ENPP3: variants seen among roughly 807,000 people sequenced by gnomAD.
ENPP3 encodes the protein ectonucleotide pyrophosphatase/phosphodiesterase family member 3.
Under a neutral mutation model 117.8 loss-of-function variants are expected in ENPP3, and 104 were observed. The ratio of observed to expected loss-of-function variants is 0.88; its 90% confidence interval spans 0.75 to 1.04. The LOEUF is 1.04. ENPP3 is among the 50% of genes least tolerant of loss of function. The pLI is 0.00. For missense variants in ENPP3, 1,026 were observed against 1,051.9 expected (o/e 0.98, Z 0.34); for synonymous variants, 380 against 349.9 (o/e 1.09, Z -0.96).
chr6:131,732,750 ATTT>A (rs869084292), intron 20 of ENPP3, among the ~76,000 whole-genome samples: 2 of 140,046 alleles, frequency 1.4e-5, no homozygotes, highest in Non-Finnish European at 3.1e-5. Context: ...TATTATTATT[ATTT>A]TCAGATGGAG....
At position 131,722,421 on chromosome 6, in the gene ENPP3, A is replaced by T. The variant is rs1173940965; in HGVS notation, c.1746+16A>T. 1 of 1,609,040 alleles carries T rather than the reference A, an allele frequency of 6.2e-7. No individual in the cohort carries two copies. Among genetic ancestry groups the T allele is most frequent in the African/African-American group, 1.3e-5 (1 of 74,680 alleles). On this transcript the variant is annotated intron_variant, in intron 18 of 24. Transcript: ENST00000357639. ...CCTACAAAATGTAAGTAACAACTTC[A>T]TGCATCCATAAGAACGTAAAGGGGC...
intron 6 of ENPP3, among the ~76,000 whole-genome samples, chr6:131,659,210 G>A (rs909930107): frequency 6.6e-6 from 1 of 152,158 alleles, no homozygotes; most frequent in Non-Finnish European, 1.5e-5. Flanking sequence ...CACTTTGGGA[G>A]GTGGAGGCTA....
chr6:131,659,355 T>C (rs1778450970), intron 6 of ENPP3, among the ~76,000 whole-genome samples: 1 of 152,116 alleles, frequency 6.6e-6, no homozygotes, highest in Non-Finnish European at 1.5e-5. Flanking sequence ...CATAGTTAGT[T>C]AGAATCAGAG....
In ENPP3 at chr6:131,637,326, G is replaced by C; in HGVS notation, c.-59G>C. The C allele has an allele frequency of 9.2e-7, 1 of 1,086,460 alleles. No individual in the cohort carries two copies. Among genetic ancestry groups the C allele is most frequent in the Non-Finnish European group, 1.3e-6 (1 of 757,744 alleles). 67.3% of individuals were successfully genotyped at this position (1,086,460 alleles called of 1,614,324 possible). Reference sequence around the variant, plus strand: ...CATACAGTTTCTCTTTGCCAGACTAGACTAAAGAAGGAGCACTAATTTATT... The same window carrying C: ...CATACAGTTTCTCTTTGCCAGACTACACTAAAGAAGGAGCACTAATTTATT... On this transcript the variant is annotated 5_prime_UTR_variant, in exon 1 of 25. Coordinates refer to ENST00000357639, the MANE Select transcript of ENPP3 (RefSeq NM_005021.5).
intron 19 of ENPP3, 28 bp from the exon 20 acceptor site, chr6:131,726,018 T>C: frequency 1.3e-6 from 2 of 1,564,466 alleles, no homozygotes; most frequent in Non-Finnish European, 1.8e-6. Flanking sequence ...TTCATGAACC[T>C]TTTTATTTTA....
intron 24 of ENPP3, among the ~76,000 whole-genome samples, chr6:131,744,740 C>T (rs771271675): frequency 6.6e-6 from 1 of 151,662 alleles, no homozygotes; most frequent in Admixed American, 6.6e-5. Context: ...TCAATATTGC[C>T]TCAAAAAATG....
At chr6:131,655,385 G>A (rs1778364243) in intron 5 of ENPP3, among the ~76,000 whole-genome samples, 1 of 152,150 alleles carries the variant, frequency 6.6e-6, no homozygotes, top group African/African-American at 2.4e-5. Flanking sequence ...ATGAAATGGA[G>A]GCAAAAGCTG....
intron 20 of ENPP3, among the ~76,000 whole-genome samples, chr6:131,729,462 A>G (rs879639262): frequency 6.6e-6 from 1 of 152,218 alleles, no homozygotes; most frequent in Non-Finnish European, 1.5e-5. Context: ...AAGTACAAGC[A>G]GCTCACGTTC....
intron 12 of ENPP3, among the ~76,000 whole-genome samples, chr6:131,684,803 G>C (rs1023047380): frequency 4.0e-5 from 6 of 148,710 alleles, no homozygotes; most frequent in African/African-American, 1.5e-4. Flanking sequence ...CTTTTTTTTT[G>C]AGACAGAATT....
intron 6 of ENPP3, among the ~76,000 whole-genome samples, chr6:131,660,008 T>C (rs923802823): frequency 6.6e-6 from 1 of 152,202 alleles, no homozygotes; most frequent in African/African-American, 2.4e-5. Flanking sequence ...TTTTAAAACA[T>C]TTAAAATATT....
At chr6:131,678,945 CTTTCTTTCTTTCTTT>C (rs1778940675) in intron 11 of ENPP3, among the ~76,000 whole-genome samples, 1 of 98,584 alleles carries the variant, frequency 1.0e-5, no homozygotes, top group African/African-American at 6.9e-5. Context: ...TTCTTTCTTT[CTTTCTTTCTTTCTTT>C]CCTTCCTTCC....
intron 6 of ENPP3, among the ~76,000 whole-genome samples, chr6:131,665,053 T>C (rs557462736): frequency 1.3e-5 from 2 of 152,332 alleles, no homozygotes; most frequent in East Asian, 3.9e-4. Flanking sequence ...TATATCACAT[T>C]AATTGATTTT....
chr6:131,675,801 C>T (rs73552650), intron 9 of ENPP3, among the ~76,000 whole-genome samples: 281 of 152,252 alleles, frequency 1.8e-3, no homozygotes, highest in African/African-American at 6.2e-3. Flanking sequence ...GGGGCTCCTG[C>T]AGTGTAGTCC....
At chr6:131,679,250 A>G (rs1778969912) in intron 11 of ENPP3, among the ~76,000 whole-genome samples, 1 of 151,542 alleles carries the variant, frequency 6.6e-6, no homozygotes, top group Non-Finnish European at 1.5e-5. Context: ...ATGCGCCACC[A>G]CGCTAGGCTA....
intron 11 of ENPP3, among the ~76,000 whole-genome samples, chr6:131,681,022 A>G (rs1325398377): frequency 6.6e-6 from 1 of 151,960 alleles, no homozygotes; most frequent in Non-Finnish European, 1.5e-5. Flanking sequence ...CTGGCAGAGG[A>G]CAGAAGAGGA....
Position 131,650,280 on chromosome 6 carries a change from C to T in ENPP3, c.277+131C>T. 4.2e-6 allele frequency: 4 copies of T among 945,972 alleles called. No homozygotes were observed. In the South Asian group the frequency reaches 4.6e-5, roughly 11 times the overall value. The allele number at this position is 945,972 out of a possible 1,614,324, so 58.6% of individuals were successfully genotyped here. On this transcript the variant is annotated intron_variant, in intron 3 of 24. Coordinates refer to ENST00000357639, the MANE Select transcript of ENPP3 (RefSeq NM_005021.5). ...TGTTGCCTAGGCTGGAGTGCAGTGG[C>T]ATGATCATGGCCAACTCCAGACTTG...
At chr6:131,744,479 T>G (rs1340320477) in intron 24 of ENPP3, among the ~76,000 whole-genome samples, 1 of 152,184 alleles carries the variant, frequency 6.6e-6, no homozygotes, top group Non-Finnish European at 1.5e-5. Context: ...GAGGAAAATA[T>G]GCTTCCAGGA....
intron 6 of ENPP3, among the ~76,000 whole-genome samples, chr6:131,669,467 G>A (rs895838902): frequency 5.3e-5 from 8 of 151,712 alleles, no homozygotes; most frequent in African/African-American, 1.9e-4. Flanking sequence ...GAGGCAAGGA[G>A]ATCGAGACAA....
chr6:131,653,826 A>G (rs1778316986), intron 5 of ENPP3, among the ~76,000 whole-genome samples: 1 of 152,036 alleles, frequency 6.6e-6, no homozygotes, highest in Non-Finnish European at 1.5e-5. Flanking sequence ...GAATGAGGAG[A>G]GCTTTGTCAG....
Sources: gnomAD v4.1 joint callset for allele counts (sites outside exome capture counted in the v4.1 genomes callset) on GRCh38, gnomAD v4.1.1 for gene constraint, MANE v1.5 for transcripts, NCBI Gene and HGNC (gene_info 2026-07-23, HGNC 2026-07-21) for gene names.